The following MAP3K7CL variants were observed in gnomAD, a reference collection of about 807,000 sequenced individuals.
The protein encoded by MAP3K7CL is MAP3K7 C-terminal-like protein.
A neutral mutation model predicts 18.6 loss-of-function variants in MAP3K7CL; 16 were observed. The ratio of observed to expected loss-of-function variants is 0.86; its 90% CI spans 0.58 to 1.31. The LOEUF (loss-of-function observed/expected upper bound fraction) is 1.31, where lower values mean the gene tolerates loss of function less well. Ranked by LOEUF, MAP3K7CL falls within the 50% of genes most tolerant of loss-of-function variation. The pLI is 0.00. For missense variants in MAP3K7CL, 163 were observed against 174.4 expected (o/e 0.93, Z 0.37); for synonymous variants, 65 against 66.8 (o/e 0.97, Z 0.13).
intron 1 of MAP3K7CL, among the ~76,000 whole-genome samples, chr21:29,088,702 G>T (rs1601125807): frequency 6.6e-6 from 1 of 152,148 alleles, no homozygotes. Context: ...AATGAGTGTT[G>T]GTGACACAGG....
intron 2 of MAP3K7CL, among the ~76,000 whole-genome samples, chr21:29,147,771 T>C (rs2087170304): frequency 6.6e-6 from 1 of 151,846 alleles, no homozygotes; most frequent in South Asian, 2.1e-4. Flanking sequence ...TCTGTATGTG[T>C]ACTGTATATA....
At chr21:29,140,389 C>T (rs1257380820) in intron 2 of MAP3K7CL, among the ~76,000 whole-genome samples, 1 of 152,168 alleles carries the variant, frequency 6.6e-6, no homozygotes, top group African/African-American at 2.4e-5. Context: ...CTTTTACTGG[C>T]ATCTTCTCAT....
intron 4 of MAP3K7CL, among the ~76,000 whole-genome samples, chr21:29,108,305 G>A (rs2086359706): frequency 6.6e-6 from 1 of 152,182 alleles, no homozygotes; most frequent in Non-Finnish European, 1.5e-5. Flanking sequence ...ATAGCAAGAA[G>A]GTGGTTGTCT....
chr21:29,150,062 C>T (rs1307071736), intron 3 of MAP3K7CL, among the ~76,000 whole-genome samples: 1 of 152,154 alleles, frequency 6.6e-6, no homozygotes, highest in Admixed American at 6.5e-5. Flanking sequence ...ATTTTGAAAG[C>T]CTTTAGGAGG....
upstream of MAP3K7CL, among the ~76,000 whole-genome samples, chr21:29,128,733 G>A (rs1462244228): frequency 6.6e-6 from 1 of 152,134 alleles, no homozygotes; most frequent in African/African-American, 2.4e-5. Flanking sequence ...TATTTGAATT[G>A]TCTGCGTCTC....
At chr21:29,128,950 G>A (rs2086729395), upstream of MAP3K7CL, among the ~76,000 whole-genome samples, 1 of 152,134 alleles carries the variant, frequency 6.6e-6, no homozygotes, top group African/African-American at 2.4e-5. Flanking sequence ...TGTTTTAATT[G>A]TCTGAGTCTG....
intron 2 of MAP3K7CL, among the ~76,000 whole-genome samples, chr21:29,134,052 T>C (rs1050545208): frequency 1.9e-4 from 29 of 152,322 alleles, no homozygotes; most frequent in Non-Finnish European, 3.4e-4. Flanking sequence ...GAGGTCACGG[T>C]GCTGAGGAAA....
At chr21:29,082,208 C>T (rs772984889), upstream of MAP3K7CL, among the ~76,000 whole-genome samples, 1 of 152,064 alleles carries the variant, frequency 6.6e-6, no homozygotes, top group Non-Finnish European at 1.5e-5. Flanking sequence ...AGCTCTTGGT[C>T]CTATTTCCTA....
At chr21:29,115,903 T>G (rs1462226485) in intron 4 of MAP3K7CL, among the ~76,000 whole-genome samples, 1 of 152,210 alleles carries the variant, frequency 6.6e-6, no homozygotes, top group African/African-American at 2.4e-5. Context: ...TAAACATTAA[T>G]TGAATCTAAA....
chr21:29,167,537 AGT>A (rs2087718841), intron 4 of MAP3K7CL, among the ~76,000 whole-genome samples: 1 of 89,340 alleles, frequency 1.1e-5, no homozygotes, highest in Non-Finnish European at 2.0e-5. Context: ...GGAGATTTTA[AGT>A]TTTTTTTTTT....
intron 2 of MAP3K7CL, among the ~76,000 whole-genome samples, chr21:29,138,797 A>G (rs1200473403): frequency 6.6e-6 from 1 of 152,022 alleles, no homozygotes; most frequent in Non-Finnish European, 1.5e-5. Flanking sequence ...GGGCAACATA[A>G]TGAGACCTAT....
At chr21:29,168,292 T>A (rs2087741582) in intron 4 of MAP3K7CL, among the ~76,000 whole-genome samples, 1 of 152,148 alleles carries the variant, frequency 6.6e-6, no homozygotes, top group Non-Finnish European at 1.5e-5. Context: ...GGGTAAGATA[T>A]GAGATTTGAG....
intron 3 of MAP3K7CL, 101 bp from the exon 4 acceptor site, chr21:29,159,840 A>C: frequency 6.1e-6 from 5 of 818,930 alleles, no homozygotes; most frequent in Non-Finnish European, 1.0e-5. Context: ...AAAAAAAAGA[A>C]GAAGAAAAAA....
At chr21:29,083,000 C>T (rs2085862132), upstream of MAP3K7CL, among the ~76,000 whole-genome samples, 1 of 152,008 alleles carries the variant, frequency 6.6e-6, no homozygotes, top group Non-Finnish European at 1.5e-5. Flanking sequence ...AAAACTCTAG[C>T]TAAACATTAG....
chr21:29,164,947 G>A (rs865957721), intron 4 of MAP3K7CL, among the ~76,000 whole-genome samples: 4 of 151,850 alleles, frequency 2.6e-5, no homozygotes, highest in Non-Finnish European at 4.4e-5. Flanking sequence ...GATTTTTTCC[G>A]TAAATATTAT....
chr21:29,080,260 G>A (rs189442337), intron 1 of MAP3K7CL, among the ~76,000 whole-genome samples: 28 of 152,344 alleles, frequency 1.8e-4, no homozygotes, highest in Admixed American at 1.0e-3. Context: ...CAGAAACTGT[G>A]TTTCTTGGAT....
chr21:29,106,272 T>G (rs1468830129), intron 4 of MAP3K7CL, among the ~76,000 whole-genome samples: 1 of 152,072 alleles, frequency 6.6e-6, no homozygotes, highest in African/African-American at 2.4e-5. Flanking sequence ...CCACAACCTC[T>G]GCCTCCCGGG....
At chr21:29,092,569 A>C in exon 4 of MAP3K7CL, 1 of 1,614,084 alleles carries the variant, frequency 6.2e-7, no homozygotes, top group Non-Finnish European at 8.5e-7. Context: ...GGAAATCCCC[A>C]GCTCCCCTCT....
At chr21:29,165,531 G>A (rs1334818370) in intron 4 of MAP3K7CL, among the ~76,000 whole-genome samples, 2 of 152,004 alleles carry the variant, frequency 1.3e-5, no homozygotes, top group African/African-American at 2.4e-5. Context: ...TTATCCTTAT[G>A]TCTTTGCATC....
Sources: allele counts gnomAD v4.1 joint callset (sites outside exome capture counted in the v4.1 genomes callset), GRCh38; gene constraint gnomAD v4.1.1; transcripts MANE v1.5; gene names NCBI Gene and HGNC (gene_info 2026-07-23, HGNC 2026-07-21).